The following PXDNL variants were observed in gnomAD, a reference collection of about 807,000 sequenced individuals.
PXDNL encodes the protein peroxidasin like.
Under a neutral mutation model 150.8 loss-of-function variants are expected in PXDNL, and 145 were observed. That is an observed-to-expected ratio of 0.96 (90% confidence interval 0.84 to 1.10). The LOEUF (loss-of-function observed/expected upper bound fraction) is 1.10, where lower values mean the gene tolerates loss of function less well. Among genes scored for constraint, PXDNL ranks in the 50% least tolerant of loss-of-function variants. PXDNL has a pLI of 0.00. For synonymous variants in PXDNL, 757 were observed against 725.7 expected, an observed-to-expected ratio of 1.04 and a Z score of -0.69; for missense variants, 2,087 against 1,873.9, an observed-to-expected ratio of 1.11 and a Z score of -2.10.
chr8:51,789,183 C>T (rs1246655608), intron 1 of PXDNL, among the ~76,000 whole-genome samples: 1 of 150,682 alleles, frequency 6.6e-6, no homozygotes, highest in East Asian at 1.9e-4. Context: ...AGTTTTCTCT[C>T]CTCATTGTAC....
At position 51,725,242 on chromosome 8, in the gene PXDNL, T is replaced by C. The variant is rs150821747; in HGVS notation, c.165-70482A>G. ...TTGACAATCAATAGCCCCATCCTCA[T>C]TCCCATGGCACCATGTCCGTCGATC... On this transcript the variant is annotated intron_variant, in intron 1 of 22. Transcript: ENST00000356297. Among the ~76,000 whole-genome samples the C allele has an allele frequency of 1.3e-3, 196 of 152,302 alleles. 1 individual carries two copies. Among genetic ancestry groups the C allele is most frequent in the African/African-American group, 4.5e-3 (185 of 41,562 alleles).
intron 21 of PXDNL, among the ~76,000 whole-genome samples, chr8:51,339,091 G>A (rs1805914783): frequency 6.6e-6 from 1 of 152,180 alleles, no homozygotes; most frequent in African/African-American, 2.4e-5. Flanking sequence ...TGAGCGTTAG[G>A]TAGAAAGGAT....
At chr8:51,404,931 G>A (rs1808393252) in intron 17 of PXDNL, among the ~76,000 whole-genome samples, 1 of 152,192 alleles carries the variant, frequency 6.6e-6, no homozygotes, top group African/African-American at 2.4e-5. Context: ...GGTTGGGGGA[G>A]GCTCGGGCAT....
chr8:51,520,189 T>C (rs954616485), intron 4 of PXDNL, among the ~76,000 whole-genome samples: 3 of 152,044 alleles, frequency 2.0e-5, no homozygotes, highest in African/African-American at 7.2e-5. Context: ...CAGGCCCTGC[T>C]CCCTCACAGA....
chr8:51,675,074 C>T (rs1467578555), intron 1 of PXDNL, among the ~76,000 whole-genome samples: 2 of 152,186 alleles, frequency 1.3e-5, no homozygotes, highest in African/African-American at 4.8e-5. Flanking sequence ...GCTACGCACT[C>T]TCCTACTTCT....
Position 51,791,427 on chromosome 8 carries a change from C to T in PXDNL, c.164+17754G>A, listed in dbSNP as rs1389146833. 3.3e-5 allele frequency among the ~76,000 whole-genome samples: 5 copies of T among 152,202 alleles called. No individual in the cohort carries two copies. The South Asian group carries it at 8.3e-4, about 25-fold the overall frequency. ...TGACCTGCAATCATTCAGGAAGGCA[C>T]CCTTAACAAACAACGGCTCAGAGCT... On this transcript the variant is annotated intron_variant, in intron 1 of 22. Transcript: ENST00000356297.
chr8:51,382,777 G>T (rs924573937), intron 17 of PXDNL, among the ~76,000 whole-genome samples: 8 of 152,092 alleles, frequency 5.3e-5, no homozygotes, highest in Non-Finnish European at 1.2e-4. Flanking sequence ...ATGGAAATCA[G>T]AAAGTTACAT....
intron 20 of PXDNL, among the ~76,000 whole-genome samples, chr8:51,341,634 C>T (rs1427160784): frequency 6.6e-6 from 1 of 152,082 alleles, no homozygotes; most frequent in African/African-American, 2.4e-5. Context: ...TCCTCCTAGC[C>T]CCTGGCAACC....
intron 1 of PXDNL, among the ~76,000 whole-genome samples, chr8:51,762,738 T>C (rs2037178359): frequency 6.6e-6 from 1 of 152,182 alleles, no homozygotes; most frequent in Non-Finnish European, 1.5e-5. Context: ...CCGACCACCT[T>C]GGGCACATGT....
chr8:51,598,199 T>G (rs1813616908), intron 2 of PXDNL, among the ~76,000 whole-genome samples: 1 of 152,190 alleles, frequency 6.6e-6, no homozygotes, highest in African/African-American at 2.4e-5. Context: ...AGTTTGACTT[T>G]TTTTCCTATT....
intron 3 of PXDNL, 41 bp downstream of exon 3, chr8:51,592,586 A>G: frequency 7.5e-7 from 1 of 1,340,364 alleles, no homozygotes; most frequent in Non-Finnish European, 1.0e-6. Context: ...AAAATAGTCA[A>G]ACAACACCAT....
At chr8:51,669,675 G>T (rs1187944389) in intron 1 of PXDNL, among the ~76,000 whole-genome samples, 1 of 152,090 alleles carries the variant, frequency 6.6e-6, no homozygotes, top group Non-Finnish European at 1.5e-5. Flanking sequence ...GATTTAATTA[G>T]CCAAGGATTA....
At chr8:51,513,351 G>A (rs1473405107) in intron 4 of PXDNL, among the ~76,000 whole-genome samples, 1 of 152,218 alleles carries the variant, frequency 6.6e-6, no homozygotes, top group Non-Finnish European at 1.5e-5. Context: ...TGTGCCTTGT[G>A]AAAGTTGCTT....
At chr8:51,723,882 T>C (rs1816775971) in intron 1 of PXDNL, among the ~76,000 whole-genome samples, 1 of 151,756 alleles carries the variant, frequency 6.6e-6, no homozygotes. Context: ...TAGCAGGGAG[T>C]CTGGTGGGAG....
chr8:51,549,547 A>G (rs1385428191), intron 4 of PXDNL, among the ~76,000 whole-genome samples: 1 of 152,126 alleles, frequency 6.6e-6, no homozygotes, highest in Admixed American at 6.5e-5. Flanking sequence ...AAATATACAA[A>G]TACATGGAAA....
At chr8:51,744,012 GAA>G (rs1291954158) in intron 1 of PXDNL, among the ~76,000 whole-genome samples, 1 of 121,644 alleles carries the variant, frequency 8.2e-6, no homozygotes, top group South Asian at 3.0e-4. Context: ...GAGAGAGAGA[GAA>G]AGAAAGAAGA....
intron 1 of PXDNL, among the ~76,000 whole-genome samples, chr8:51,662,253 C>T (rs1401041604): frequency 6.6e-6 from 1 of 152,192 alleles, no homozygotes; most frequent in Non-Finnish European, 1.5e-5. Context: ...GGCATGGTGG[C>T]TCATACCTAT....
intron 17 of PXDNL, among the ~76,000 whole-genome samples, chr8:51,402,432 T>A (rs191391708): frequency 3.9e-4 from 60 of 152,034 alleles, no homozygotes; most frequent in Admixed American, 1.7e-3. Context: ...GGCAGGAGAA[T>A]CACTTGAATC....
At chr8:51,347,108 C>T (rs1416375085) in intron 19 of PXDNL, among the ~76,000 whole-genome samples, 1 of 152,036 alleles carries the variant, frequency 6.6e-6, no homozygotes, top group Non-Finnish European at 1.5e-5. Context: ...AGGATAACAA[C>T]CCGAGAGCAT....
Sources: gnomAD v4.1 joint callset for allele counts (sites outside exome capture counted in the v4.1 genomes callset) on GRCh38, gnomAD v4.1.1 for gene constraint, MANE v1.5 for transcripts, NCBI Gene and HGNC (gene_info 2026-07-23, HGNC 2026-07-21) for gene names.